The following DPP10 variants were observed in gnomAD, a reference collection of about 807,000 sequenced individuals.
DPP10 encodes inactive dipeptidyl peptidase 10.
DPP10 carries 33 observed loss-of-function variants against 120.9 expected under a neutral mutation model. The observed-to-expected ratio is 0.27, with a 90% CI of 0.21 to 0.37. The LOEUF (loss-of-function observed/expected upper bound fraction) is 0.37. DPP10 is among the 10% of genes least tolerant of loss of function. The probability of loss-of-function intolerance (pLI) is 1.00; values close to 1 mark genes in which losing one functional copy is unlikely to be tolerated. For synonymous variants in DPP10, 337 were observed against 326.1 expected, an observed-to-expected ratio of 1.03 and a Z score of -0.36; for missense variants, 816 against 942.8, an observed-to-expected ratio of 0.87 and a Z score of 1.76.
rs2066613486 is a variant in DPP10 at position 115,383,680 on chromosome 2, T to TTGACCATGGTCAATTCATGGTC, written c.271+39768_271+39769insTGACCATGGTCAATTCATGGTC. ...ACACCATGGTCAATTCATATTCATT[T>TTGACCATGGTCAATTCATGGTC]AAATATATTTAATAATTTGATTTAT... On this transcript the variant is annotated intron_variant, in intron 3 of 25. Coordinates refer to ENST00000410059, the MANE Select transcript of DPP10 (RefSeq NM_020868.6). 2.0e-5 allele frequency among the ~76,000 whole-genome samples: 3 copies of TTGACCATGGTCAATTCATGGTC among 152,314 alleles called. No individual in the cohort carries two copies. The East Asian group carries it at 5.8e-4, about 29-fold the overall frequency.
chr2:115,120,152 A>G (rs1272378139), intron 1 of DPP10, among the ~76,000 whole-genome samples: 1 of 152,234 alleles, frequency 6.6e-6, no homozygotes, highest in Admixed American at 6.5e-5. Flanking sequence ...TATCCATGTC[A>G]TCAGTGTTGC....
chr2:115,353,933 T>A (rs2064197567), intron 3 of DPP10, among the ~76,000 whole-genome samples: 1 of 152,106 alleles, frequency 6.6e-6, no homozygotes, highest in Non-Finnish European at 1.5e-5. Context: ...ACACATAGAT[T>A]TAAGGAAAAC....
intron 1 of DPP10, among the ~76,000 whole-genome samples, chr2:115,229,127 A>C (rs1422558933): frequency 6.6e-6 from 1 of 152,174 alleles, no homozygotes; most frequent in African/African-American, 2.4e-5. Flanking sequence ...TCTGATGATC[A>C]GTGATGTTGA....
At chr2:115,575,392 T>C (rs1489987788) in intron 5 of DPP10, among the ~76,000 whole-genome samples, 2 of 152,236 alleles carry the variant, frequency 1.3e-5, no homozygotes, top group African/African-American at 4.8e-5. Flanking sequence ...GTCGTTCTCC[T>C]CTGGAGATAT....
chr2:114,893,608 G>A (rs1692722613), intron 1 of DPP10, among the ~76,000 whole-genome samples: 2 of 152,122 alleles, frequency 1.3e-5, no homozygotes, highest in African/African-American at 4.8e-5. Context: ...ATATGACAAG[G>A]CAGAAGAGGC....
chr2:114,591,096 G>T (rs72840645), intron 1 of DPP10, among the ~76,000 whole-genome samples: 151 of 152,320 alleles, frequency 9.9e-4, no homozygotes, highest in Middle Eastern at 3.4e-3. Flanking sequence ...ATCCCATGCA[G>T]AGCAGGGAGA....
chr2:114,838,768 C>A (rs1333190834), intron 1 of DPP10, among the ~76,000 whole-genome samples: 1 of 152,144 alleles, frequency 6.6e-6, no homozygotes, highest in Non-Finnish European at 1.5e-5. Flanking sequence ...CTGATCACTG[C>A]AGATTTCTCC....
intron 2 of DPP10, among the ~76,000 whole-genome samples, chr2:115,334,682 T>C (rs2063012933): frequency 6.6e-6 from 1 of 151,952 alleles, no homozygotes; most frequent in Non-Finnish European, 1.5e-5. Context: ...AGAACAACTA[T>C]GAAAGAGATA....
At chr2:115,244,412 C>A (rs1022874052) in intron 1 of DPP10, among the ~76,000 whole-genome samples, 6 of 151,610 alleles carry the variant, frequency 4.0e-5, no homozygotes, top group African/African-American at 1.5e-4. Context: ...AAAAATGTTT[C>A]TGGCATTATA....
chr2:115,523,033 A>G (rs2077910125), intron 4 of DPP10, among the ~76,000 whole-genome samples: 1 of 152,194 alleles, frequency 6.6e-6, no homozygotes, highest in African/African-American at 2.4e-5. Context: ...CGTGTTGACT[A>G]AGCTGCCGAG....
At chr2:114,897,852 G>GT (rs1428462852) in intron 1 of DPP10, among the ~76,000 whole-genome samples, 4 of 151,770 alleles carry the variant, frequency 2.6e-5, no homozygotes, top group African/African-American at 9.7e-5. Context: ...GAAACAACAG[G>GT]TGCTGGAGAG....
intron 1 of DPP10, among the ~76,000 whole-genome samples, chr2:115,121,288 T>G (rs186931215): frequency 6.6e-6 from 1 of 152,332 alleles, no homozygotes; most frequent in East Asian, 1.9e-4. Context: ...AATCTTTTCT[T>G]TTCGAGGGAA....
intron 1 of DPP10, among the ~76,000 whole-genome samples, chr2:114,909,479 A>AC (rs1023651872): frequency 2.6e-5 from 4 of 152,072 alleles, no homozygotes; most frequent in African/African-American, 9.6e-5. Flanking sequence ...AAAGCCAAGT[A>AC]GGATAAGACT....
intron 4 of DPP10, among the ~76,000 whole-genome samples, chr2:115,502,736 A>G (rs529497755): frequency 7.1e-4 from 108 of 152,240 alleles, no homozygotes; most frequent in Admixed American, 1.6e-3. Flanking sequence ...TCTCTTGCCC[A>G]GGCTGGGATG....
At chr2:114,773,552 C>A (rs73949017) in intron 1 of DPP10, among the ~76,000 whole-genome samples, 1,796 of 152,240 alleles carry the variant, frequency 0.012, 39 homozygotes, top group African/African-American at 0.041. Flanking sequence ...AATAAACAAG[C>A]CCTGCTCACA....
At chr2:115,841,275 G>A (rs138485163) in intron 25 of DPP10, among the ~76,000 whole-genome samples, 6 of 151,932 alleles carry the variant, frequency 3.9e-5, no homozygotes, top group African/African-American at 1.4e-4. Flanking sequence ...AAAAATGTTT[G>A]GGGAAATATT....
rs375703580 is a variant in DPP10, at chr2:114,535,907, A to G, written c.60+93069A>G. On this transcript the variant is annotated intron_variant, in intron 1 of 25. Transcript: ENST00000410059. ...GGGTGCAGCACTTCAGTAAGAACAC[A>G]TGCAGGTGTGTGTATCCATGGCAGA... is the stretch of plus-strand genomic sequence containing the variant. 1.4e-4 allele frequency among the ~76,000 whole-genome samples: 21 copies of G among 152,282 alleles called. No individual in the cohort carries two copies. In the East Asian group the frequency reaches 3.9e-3, roughly 28 times the overall value.
intron 1 of DPP10, among the ~76,000 whole-genome samples, chr2:114,705,071 G>A (rs1700607772): frequency 6.6e-6 from 1 of 152,104 alleles, no homozygotes; most frequent in Non-Finnish European, 1.5e-5. Context: ...TGCTGTTTAA[G>A]TCACCCAGTA....
chr2:115,258,503 ATGT>A (rs1024168075), intron 1 of DPP10, among the ~76,000 whole-genome samples: 2 of 152,194 alleles, frequency 1.3e-5, no homozygotes, highest in African/African-American at 4.8e-5. Flanking sequence ...AATCTTTAAA[ATGT>A]TGTTAAATAA....
Sources: gnomAD v4.1 joint callset for allele counts (sites outside exome capture counted in the v4.1 genomes callset) on GRCh38, gnomAD v4.1.1 for gene constraint, MANE v1.5 for transcripts, NCBI Gene and HGNC (gene_info 2026-07-23, HGNC 2026-07-21) for gene names.